Variants in TFEC observed in about 807,000 individuals in gnomAD.
The protein encoded by TFEC is transcription factor EC.
In TFEC, 31 loss-of-function variants were observed where a neutral mutation model predicts 41.6. The ratio of observed to expected loss-of-function variants is 0.74; its 90% confidence interval spans 0.56 to 1.01. TFEC has a LOEUF of 1.01. Among genes scored for constraint, TFEC ranks in the 50% least tolerant of loss-of-function variants. The pLI, the probability that TFEC is intolerant of heterozygous loss-of-function variation, is 0.00. For synonymous variants in TFEC, 143 were observed against 140.6 expected, an observed-to-expected ratio of 1.02 and a Z score of -0.12; for missense variants, 402 against 404.1, an observed-to-expected ratio of 0.99 and a Z score of 0.04.
intron 1 of TFEC, among the ~76,000 whole-genome samples, chr7:116,151,507 T>G (rs892332074): frequency 6.6e-6 from 1 of 152,084 alleles, no homozygotes; most frequent in Non-Finnish European, 1.5e-5. Context: ...CCTCCCAAAG[T>G]GTTGAAATTA....
chr7:116,106,765 A>T (rs1757274433), intron 3 of TFEC, among the ~76,000 whole-genome samples: 2 of 152,326 alleles, frequency 1.3e-5, no homozygotes, highest in South Asian at 4.1e-4. Context: ...TTGAGGCAAG[A>T]AATGTAATCA....
intron 1 of TFEC, among the ~76,000 whole-genome samples, chr7:116,013,562 AT>A (rs1190257402): frequency 6.6e-6 from 1 of 152,154 alleles, no homozygotes; most frequent in East Asian, 1.9e-4. Context: ...CATTTCATCT[AT>A]TAAAAAATAC....
chr7:116,128,767 G>A (rs1461826018), intron 1 of TFEC, among the ~76,000 whole-genome samples: 1 of 151,992 alleles, frequency 6.6e-6, no homozygotes, highest in Non-Finnish European at 1.5e-5. Flanking sequence ...TGTGTTTCTG[G>A]GTGGTAAAAG....
Position 116,139,135 on chromosome 7 carries a change from G to A in TFEC, c.-69+20655C>T, listed in dbSNP as rs574182670. On this transcript the variant is annotated intron_variant, in intron 1 of 8. Transcript: ENST00000484212. ...GCAATTCAATAAGGATTCCTACAAG[G>A]TGTCTCAAAATGGAAGCACTCAGGC... Among the ~76,000 whole-genome samples, 8 of 152,248 alleles carry A rather than the reference G, an allele frequency of 5.3e-5. No homozygotes were observed. In the East Asian group the frequency reaches 1.5e-3, roughly 29 times the overall value.
chr7:116,013,600 G>T (rs371994799), intron 1 of TFEC, among the ~76,000 whole-genome samples: 16 of 151,962 alleles, frequency 1.1e-4, no homozygotes, highest in African/African-American at 3.4e-4. Context: ...TATCAGACTT[G>T]TTCACAATCA....
In TFEC at chr7:116,045,566, G is replaced by A. The variant is rs183978780; in HGVS notation, c.199-61053C>T. On this transcript the variant is annotated intron_variant, in intron 3 of 8. Transcript: ENST00000484212. ...TTTGGGAACCTCTGCCTAGATTTCA[G>A]AAGATGTATGGAATTGCCTCGATGC... 1.4e-4 allele frequency among the ~76,000 whole-genome samples: 22 copies of A among 152,346 alleles called. 1 individual carries two copies. Among genetic ancestry groups the A allele is most frequent in the African/African-American group, 4.8e-4 (20 of 41,596 alleles).
intron 3 of TFEC, among the ~76,000 whole-genome samples, chr7:116,045,268 G>T (rs1017066285): frequency 6.6e-6 from 1 of 152,250 alleles, no homozygotes; most frequent in African/African-American, 2.4e-5. Context: ...ATGGAGCAAA[G>T]GTGACTCTTG....
chr7:116,044,215 AT>A (rs1300462015), intron 3 of TFEC, among the ~76,000 whole-genome samples: 1 of 152,162 alleles, frequency 6.6e-6, no homozygotes, highest in African/African-American at 2.4e-5. Flanking sequence ...CATTAAACGA[AT>A]TTTAAAATTC....
intron 2 of TFEC, among the ~76,000 whole-genome samples, chr7:115,979,386 G>T (rs990680483): frequency 6.6e-6 from 1 of 151,732 alleles, no homozygotes; most frequent in Non-Finnish European, 1.5e-5. Flanking sequence ...ATCCCATCTG[G>T]CTAAATGCCC....
chr7:116,053,412 C>T (rs1280178753), intron 3 of TFEC, among the ~76,000 whole-genome samples: 3 of 152,082 alleles, frequency 2.0e-5, no homozygotes, highest in Admixed American at 2.0e-4. Flanking sequence ...GATAATAATG[C>T]TGCTGCTGCT....
chr7:116,003,008 C>A (rs1312148478), intron 1 of TFEC, among the ~76,000 whole-genome samples: 1 of 151,846 alleles, frequency 6.6e-6, no homozygotes, highest in African/African-American at 2.4e-5. Flanking sequence ...AAGATAGGAG[C>A]AAGAACAAGG....
At chr7:116,134,141 A>G (rs1477666962) in intron 1 of TFEC, among the ~76,000 whole-genome samples, 1 of 152,204 alleles carries the variant, frequency 6.6e-6, no homozygotes, top group Non-Finnish European at 1.5e-5. Flanking sequence ...AAGAATATTT[A>G]AGAACAAAGG....
chr7:116,090,772 C>T (rs768340068), intron 3 of TFEC, among the ~76,000 whole-genome samples: 2 of 151,840 alleles, frequency 1.3e-5, no homozygotes, highest in Non-Finnish European at 2.9e-5. Context: ...AAATGTTTAC[C>T]GATAGAGTTA....
chr7:116,029,732 C>T (rs1436386196), intron 1 of TFEC, among the ~76,000 whole-genome samples: 1 of 151,800 alleles, frequency 6.6e-6, no homozygotes, highest in Non-Finnish European at 1.5e-5. Flanking sequence ...GTATAAATAT[C>T]TTCATATGTA....
At chr7:115,970,891 G>A (rs1330624375) in intron 3 of TFEC, among the ~76,000 whole-genome samples, 1 of 151,944 alleles carries the variant, frequency 6.6e-6, no homozygotes, top group African/African-American at 2.4e-5. Context: ...CTGCAGAGCC[G>A]TGAGGCAAAT....
At chr7:116,109,425 A>T (rs1429516126) in intron 3 of TFEC, among the ~76,000 whole-genome samples, 1 of 152,256 alleles carries the variant, frequency 6.6e-6, no homozygotes. Flanking sequence ...ATATGAACAG[A>T]CATTTCTCAA....
chr7:115,940,378 A>T lies in TFEC; in HGVS notation c.*173T>A, dbSNP rs1015664075. The T allele has an allele frequency of 1.5e-6, 1 of 681,926 alleles. No individual in the cohort carries two copies. Among genetic ancestry groups the T allele is most frequent in the African/African-American group, 1.8e-5 (1 of 54,644 alleles). The allele number at this position is 681,926 out of a possible 1,614,324, so 42.2% of individuals were successfully genotyped here. The stretch of plus-strand genomic sequence containing the variant: ...TTTTTTCGCCCTCAATAATTCATTA[A>T]CACTATGATTTTTCTTCCTGCGAAT... On this transcript the variant is annotated 3_prime_UTR_variant, in exon 8 of 8. Coordinates refer to ENST00000265440, the MANE Select transcript of TFEC (RefSeq NM_012252.4).
rs751653113 is a variant in TFEC at position 116,138,346 on chromosome 7, G to C, written c.-69+21444C>G. Among the ~76,000 whole-genome samples, 4 of 152,138 alleles carry C rather than the reference G, an allele frequency of 2.6e-5. No homozygotes were observed. In the East Asian group the frequency reaches 7.7e-4, roughly 29 times the overall value. ...TTATCTGAAAGTTAGGATCCTGTTTGGGTATACAGTTTAATGTTCCATTCT... is the reference window on the plus strand; with the variant it reads ...TTATCTGAAAGTTAGGATCCTGTTTCGGTATACAGTTTAATGTTCCATTCT... On this transcript the variant is annotated intron_variant, in intron 1 of 8. Transcript: ENST00000484212.
At chr7:116,069,549 T>A (rs1284618621) in intron 3 of TFEC, among the ~76,000 whole-genome samples, 1 of 151,722 alleles carries the variant, frequency 6.6e-6, no homozygotes, top group Non-Finnish European at 1.5e-5. Context: ...AATGTAATAG[T>A]GATGTGTCAT....
Sources: allele counts gnomAD v4.1 joint callset (sites outside exome capture counted in the v4.1 genomes callset), GRCh38; gene constraint gnomAD v4.1.1; transcripts MANE v1.5; gene names NCBI Gene and HGNC (gene_info 2026-07-23, HGNC 2026-07-21).